Variants in STON2 observed in about 807,000 individuals in gnomAD.
The protein encoded by STON2 is stonin 2, also known as stonin-2.
In STON2, 29 loss-of-function variants were observed where a neutral mutation model predicts 65.7. The observed-to-expected ratio is 0.44, with a 90% confidence interval of 0.33 to 0.60. The LOEUF is 0.60. Among genes scored for constraint, STON2 ranks in the 20% least tolerant of loss-of-function variants. The probability of loss-of-function intolerance (pLI) is 0.03; values close to 1 mark genes in which losing one functional copy is unlikely to be tolerated. For synonymous variants in STON2, 404 were observed against 414.2 expected, an observed-to-expected ratio of 0.98 and a Z score of 0.30; for missense variants, 1,054 against 1,118.1, an observed-to-expected ratio of 0.94 and a Z score of 0.82.
intron 5 of STON2, among the ~76,000 whole-genome samples, chr14:81,292,187 C>T (rs1375945621): frequency 6.6e-6 from 1 of 152,182 alleles, no homozygotes; most frequent in Non-Finnish European, 1.5e-5. Context: ...ACCAGCATTC[C>T]AATTCTGCAC....
intron 3 of STON2, among the ~76,000 whole-genome samples, chr14:81,383,702 C>A (rs1377039504): frequency 6.6e-6 from 1 of 152,160 alleles, no homozygotes; most frequent in African/African-American, 2.4e-5. Context: ...TGGCCTCCTA[C>A]CTGGTCTCCT....
rs963743345 is a variant in STON2, at chr14:81,367,557, TA to T, written c.571+3430del. Among the ~76,000 whole-genome samples the T allele has an allele frequency of 1.2e-4, 19 of 152,332 alleles. 1 individual carries two copies. The highest frequency in any genetic ancestry group is 4.3e-4 in the African/African-American group (18 of 41,588). On this transcript the variant is annotated intron_variant, in intron 4 of 7. Transcript: ENST00000614646. ...GTTGAAAAATACTTGTTCATTCTCC[TA>T]AACTTTGTCTTTCCTTCTCCTCCTT... is the stretch of plus-strand genomic sequence containing the variant.
At chr14:81,403,509 T>C (rs955590889), upstream of STON2, among the ~76,000 whole-genome samples, 1 of 152,176 alleles carries the variant, frequency 6.6e-6, no homozygotes, top group Non-Finnish European at 1.5e-5. Context: ...GAGGGAATGC[T>C]AAAAGGTACA....
intron 4 of STON2, among the ~76,000 whole-genome samples, chr14:81,360,529 C>A (rs557318024): frequency 2.6e-5 from 4 of 152,160 alleles, no homozygotes; most frequent in African/African-American, 9.6e-5. Flanking sequence ...TACCTTAACA[C>A]AGTAAAGGCC....
At chr14:81,435,088 C>T (rs1390213977) in intron 1 of STON2, among the ~76,000 whole-genome samples, 1 of 152,162 alleles carries the variant, frequency 6.6e-6, no homozygotes, top group Admixed American at 6.5e-5. Context: ...TAACAAAGTA[C>T]CATGATATTA....
rs922875255 is a variant in STON2, at chr14:81,268,490, A to G, written c.2792T>C (p.Ile931Thr). The G allele has an allele frequency of 2.7e-5, 35 of 1,289,594 alleles. No homozygotes were observed. In the East Asian group the frequency reaches 6.7e-4, roughly 25 times the overall value. 79.9% of individuals were successfully genotyped at this position (1,289,594 alleles called of 1,614,324 possible). The change falls in exon 8 of 8, where the codon ATT (isoleucine) becomes ACT (threonine). Residue 931 changes from isoleucine to threonine, a missense_variant. By Grantham distance (89) the Ile-to-Thr change is moderately conservative. Transcript: ENST00000614646. The stretch of plus-strand genomic sequence containing the variant: ...CGGCTTCAAACTCTTTTTTTGCTCA[A>G]TTTCCACCTGCCAAGAATAGAAGTT... Reference protein sequence around the residue: ...YSAHYSYQVEIEQKKSLKPDF... With the variant: ...YSAHYSYQVETEQKKSLKPDF...
intron 5 of STON2, among the ~76,000 whole-genome samples, chr14:81,312,078 G>A (rs1352087440): frequency 6.6e-6 from 1 of 152,222 alleles, no homozygotes; most frequent in Non-Finnish European, 1.5e-5. Flanking sequence ...TGTAAAGCCT[G>A]CAGGCACACC....
At chr14:81,419,335 A>G (rs1322079599) in intron 2 of STON2, among the ~76,000 whole-genome samples, 1 of 152,198 alleles carries the variant, frequency 6.6e-6, no homozygotes, top group Non-Finnish European at 1.5e-5. Flanking sequence ...GTAAGTGGCA[A>G]AGCTAGGATT....
At position 81,313,521 on chromosome 14, in the gene STON2, G is replaced by A. The variant is rs1016235753; in HGVS notation, c.742+10496C>T. On this transcript the variant is annotated intron_variant, in intron 5 of 7. Transcript: ENST00000614646. Reference sequence around the variant, plus strand: ...AAAAAAAAAGCCAGGCCAGGCAGGCGTGGTGGCTCATGCCTGTAATCCCAA... The same window carrying A: ...AAAAAAAAAGCCAGGCCAGGCAGGCATGGTGGCTCATGCCTGTAATCCCAA... 7.9e-5 allele frequency among the ~76,000 whole-genome samples: 12 copies of A among 151,824 alleles called. No individual in the cohort carries two copies. The East Asian group carries it at 1.7e-3, about 22-fold the overall frequency.
At chr14:81,321,440 G>C (rs1278688685) in intron 5 of STON2, among the ~76,000 whole-genome samples, 1 of 151,940 alleles carries the variant, frequency 6.6e-6, no homozygotes, top group African/African-American at 2.4e-5. Flanking sequence ...GCCACAGCTG[G>C]GTATTGTTCT....
At position 81,413,247 on chromosome 14, in the gene STON2, G is replaced by T; in HGVS notation, c.-199+13855C>A. ...CTGTTCAAATCTGGTTAAAAGCATG[G>T]ACTGTGCCACCCACCAGTGGTCCAT... is the stretch of plus-strand genomic sequence containing the variant. On this transcript the variant is annotated intron_variant, in intron 2 of 8. Transcript: ENST00000553821. The T allele has an allele frequency of 2.6e-6, 4 of 1,531,536 alleles. 1 individual carries two copies. The South Asian group carries it at 3.7e-5, about 14-fold the overall frequency. 94.9% of individuals were successfully genotyped at this position (1,531,536 alleles called of 1,614,324 possible). A position where few individuals can be genotyped will look rare whatever the true frequency, so the allele number is the denominator to read the frequency against.
Position 81,278,314 on chromosome 14 carries a change from C to T in STON2, c.1168G>A (p.Ala390Thr). 6.2e-7 allele frequency: 1 copy of T among 1,614,150 alleles called. No homozygotes were observed. Among genetic ancestry groups the T allele is most frequent in the Non-Finnish European group, 8.5e-7 (1 of 1,180,038 alleles). The change falls in exon 6 of 8, where the codon GCT (alanine) becomes ACT (threonine). Residue 390 changes from alanine (A) to threonine (T), a missense_variant. Ala to Thr is a moderately conservative substitution (Grantham distance 58). Coordinates refer to ENST00000614646, the MANE Select transcript of STON2 (RefSeq NM_001394390.1). Reference protein sequence around the residue: ...VQPSPINPFSAFFEEQERRSQ... With the variant: ...VQPSPINPFSTFFEEQERRSQ... ...CGCCTCTCCTGCTCCTCAAAGAAAG[C>T]ACTGAAAGGGTTGATAGGGGAGGGC...
intron 5 of STON2, among the ~76,000 whole-genome samples, chr14:81,306,167 C>CTCTCTATA (rs760274489): frequency 1.4e-4 from 19 of 132,304 alleles, no homozygotes; most frequent in African/African-American, 5.7e-4. Flanking sequence ...CTCTCTCTCT[C>CTCTCTATA]TATATATATA....
At chr14:81,295,072 C>T (rs1566894105) in intron 5 of STON2, among the ~76,000 whole-genome samples, 1 of 152,118 alleles carries the variant, frequency 6.6e-6, no homozygotes, top group Non-Finnish European at 1.5e-5. Flanking sequence ...TGCCTGTAAT[C>T]CCAACACTTT....
intron 3 of STON2, 98 bp downstream of exon 3, chr14:81,395,796 G>T: frequency 8.1e-7 from 1 of 1,237,642 alleles, no homozygotes; most frequent in Non-Finnish European, 1.2e-6. Flanking sequence ...CAGGGTTAGG[G>T]GGCAGATGAA....
chr14:81,278,453 G>A lies in STON2; in HGVS notation c.1029C>T (p.Phe343=). The part of the protein sequence containing the change: ...RDRPKSTLMN[F]SKVQKLDISS... ...AAATATCCAGCTTCTGAACTTTGGA[G>A]AAGTTCATCAAAGTGCTCTTGGGAC... The change falls in exon 6 of 8, where the codon TTC becomes TTT. Residue 343 remains phenylalanine (F), a synonymous_variant. Transcript: ENST00000614646. 6.2e-7 allele frequency: 1 copy of A among 1,614,188 alleles called. No homozygotes were observed. Among genetic ancestry groups the A allele is most frequent in the East Asian group, 2.2e-5 (1 of 44,890 alleles).
chr14:81,377,029 T>C (rs1026633828), intron 3 of STON2, among the ~76,000 whole-genome samples: 2 of 152,180 alleles, frequency 1.3e-5, no homozygotes, highest in African/African-American at 4.8e-5. Context: ...GGTGTGTGTG[T>C]ATCTAGTTCT....
Position 81,429,832 on chromosome 14 carries a change from G to T in STON2, c.-309-2620C>A, listed in dbSNP as rs561899752. 1.3e-4 allele frequency among the ~76,000 whole-genome samples: 20 copies of T among 152,234 alleles called. 2 individuals carry two copies. Among genetic ancestry groups the T allele is most frequent in the Admixed American group, 1.2e-3 (19 of 15,306 alleles). On this transcript the variant is annotated intron_variant, in intron 1 of 8. Transcript: ENST00000553821. Reference sequence around the variant, plus strand: ...CGCCTGTAATCCCCGCTACTCGGCAGGCTGAGGCAGGAGAATTGCTTGAAC... The same window carrying T: ...CGCCTGTAATCCCCGCTACTCGGCATGCTGAGGCAGGAGAATTGCTTGAAC...
At chr14:81,274,620 C>T (rs993909587) in intron 6 of STON2, among the ~76,000 whole-genome samples, 2 of 151,990 alleles carry the variant, frequency 1.3e-5, no homozygotes, top group Non-Finnish European at 2.9e-5. Context: ...CTCCCCTAGT[C>T]TCTTGAGCCA....
Sources: allele counts gnomAD v4.1 joint callset (sites outside exome capture counted in the v4.1 genomes callset), GRCh38; gene constraint gnomAD v4.1.1; transcripts MANE v1.5; gene names NCBI Gene and HGNC (gene_info 2026-07-23, HGNC 2026-07-21).